Variants in UNC5C observed in about 807,000 individuals in gnomAD.
UNC5C encodes the protein unc-5 netrin receptor C.
Under a neutral mutation model 99.8 loss-of-function variants are expected in UNC5C, and 47 were observed. The ratio of observed to expected loss-of-function variants is 0.47; its 90% confidence interval spans 0.37 to 0.60. The LOEUF is 0.60. Ranked by LOEUF, UNC5C falls within the 20% of genes least tolerant of loss-of-function variation. UNC5C has a pLI of 0.00. For synonymous variants in UNC5C, 487 were observed against 452.2 expected (o/e 1.08, Z -0.98); for missense variants, 1,062 against 1,165.9 (o/e 0.91, Z 1.30).
At chr4:95,324,645 G>A (rs1742823451) in intron 2 of UNC5C, among the ~76,000 whole-genome samples, 2 of 152,084 alleles carry the variant, frequency 1.3e-5, no homozygotes, top group Admixed American at 1.3e-4. Flanking sequence ...AACTCCCTAG[G>A]TGATGGTATT....
Position 95,480,751 on chromosome 4 carries a change from A to C in UNC5C, c.124+67983T>G, listed in dbSNP as rs563510640. On this transcript the variant is annotated intron_variant, in intron 1 of 15. Transcript: ENST00000453304. Reference sequence around the variant, plus strand: ...TCCAGCATATAAACAAAACAAAAGAAAAAAACCACATGATTATCTCAATAG... The same window carrying C: ...TCCAGCATATAAACAAAACAAAAGACAAAAACCACATGATTATCTCAATAG... Among the ~76,000 whole-genome samples, 398 of 152,182 alleles carry C rather than the reference A, an allele frequency of 2.6e-3. 1 individual carries two copies. The highest frequency in any genetic ancestry group is 6.8e-3 in the Middle Eastern group (2 of 294).
intron 7 of UNC5C, among the ~76,000 whole-genome samples, chr4:95,224,778 CT>C (rs1385924842): frequency 1.3e-5 from 2 of 151,140 alleles, no homozygotes; most frequent in African/African-American, 2.4e-5. Flanking sequence ...TAAAAAAGTT[CT>C]TTTAAAAATA....
intron 1 of UNC5C, among the ~76,000 whole-genome samples, chr4:95,356,813 G>C (rs1441777947): frequency 4.6e-5 from 7 of 152,140 alleles, no homozygotes; most frequent in Admixed American, 4.6e-4. Flanking sequence ...ACATGAGTGA[G>C]TATTGCTTGA....
At chr4:95,530,510 T>C (rs1004108481) in intron 1 of UNC5C, among the ~76,000 whole-genome samples, 13 of 152,232 alleles carry the variant, frequency 8.5e-5, no homozygotes, top group Admixed American at 2.0e-4. Flanking sequence ...AAGGCAATTA[T>C]GTTTTGTTGG....
intron 14 of UNC5C, among the ~76,000 whole-genome samples, chr4:95,178,668 T>C (rs1206100655): frequency 6.6e-6 from 1 of 152,210 alleles, no homozygotes; most frequent in African/African-American, 2.4e-5. Context: ...TCCAACTAAA[T>C]GTGGAAGTTA....
At chr4:95,480,429 CA>C (rs1481817682) in intron 1 of UNC5C, among the ~76,000 whole-genome samples, 1 of 151,734 alleles carries the variant, frequency 6.6e-6, no homozygotes, top group Non-Finnish European at 1.5e-5. Flanking sequence ...CAGAAATGAG[CA>C]ATAAATGCTA....
chr4:95,533,982 T>C (rs184977860), intron 1 of UNC5C, among the ~76,000 whole-genome samples: 1 of 152,358 alleles, frequency 6.6e-6, no homozygotes, highest in African/African-American at 2.4e-5. Context: ...TAGTTGCTTC[T>C]GTTGGATTCT....
At chr4:95,443,844 C>T (rs1243833467) in intron 1 of UNC5C, among the ~76,000 whole-genome samples, 2 of 152,072 alleles carry the variant, frequency 1.3e-5, no homozygotes, top group Non-Finnish European at 2.9e-5. Context: ...TTGATCTACT[C>T]TCTCTTGAAT....
chr4:95,272,845 A>C (rs975964847), intron 4 of UNC5C, among the ~76,000 whole-genome samples: 1 of 152,188 alleles, frequency 6.6e-6, no homozygotes, highest in Admixed American at 6.5e-5. Context: ...AGTGTAAAGC[A>C]CCACTCTGGA....
chr4:95,532,108 A>G (rs1050633657), intron 1 of UNC5C, among the ~76,000 whole-genome samples: 6 of 152,160 alleles, frequency 3.9e-5, no homozygotes, highest in Admixed American at 2.0e-4. Flanking sequence ...TTACACATCA[A>G]TTGTCTGGGG....
At chr4:95,252,309 G>T (rs1460319421) in intron 4 of UNC5C, among the ~76,000 whole-genome samples, 1 of 152,182 alleles carries the variant, frequency 6.6e-6, no homozygotes, top group East Asian at 1.9e-4. Context: ...TCTAAAGAAA[G>T]CCTCCTATCA....
intron 4 of UNC5C, among the ~76,000 whole-genome samples, chr4:95,257,173 C>T (rs1740033275): frequency 6.6e-6 from 1 of 152,190 alleles, no homozygotes; most frequent in Non-Finnish European, 1.5e-5. Flanking sequence ...GGCTCCTTCT[C>T]TTACTCAGTG....
intron 1 of UNC5C, among the ~76,000 whole-genome samples, chr4:95,372,762 CAGGAG>C (rs372125161): frequency 5.3e-4 from 81 of 152,224 alleles, no homozygotes; most frequent in African/African-American, 1.9e-3. Flanking sequence ...TTTGTTAACA[CAGGAG>C]AGATTTTCTT....
At chr4:95,470,408 T>A (rs1279844740) in intron 1 of UNC5C, among the ~76,000 whole-genome samples, 1 of 152,120 alleles carries the variant, frequency 6.6e-6, no homozygotes, top group Non-Finnish European at 1.5e-5. Context: ...GTTGATCAGT[T>A]TACCTTGGGT....
chr4:95,320,437 AAG>A lies in UNC5C; in HGVS notation c.346+14971_346+14972del, dbSNP rs763523021. On this transcript the variant is annotated intron_variant, in intron 2 of 15. Transcript: ENST00000453304. Reference sequence around the variant, plus strand: ...AATTCCATCTCAAAAAAAAAAAAAAAAGAAAAGAAAAGAAAAGAAAGTAAAAG... The same window carrying A: ...AATTCCATCTCAAAAAAAAAAAAAAAAAAAGAAAAGAAAAGAAAGTAAAAG... Among the ~76,000 whole-genome samples, 224 of 141,756 alleles carry A rather than the reference AAG, an allele frequency of 1.6e-3. 4 individuals carry two copies. The highest frequency in any genetic ancestry group is 0.015 in the Middle Eastern group (4 of 270). 93.0% of individuals were successfully genotyped at this position (141,756 alleles called of 152,430 possible). A position where few individuals can be genotyped will look rare whatever the true frequency, so the allele number is the denominator to read the frequency against.
chr4:95,343,726 T>C (rs187307539), intron 1 of UNC5C, among the ~76,000 whole-genome samples: 2,866 of 152,094 alleles, frequency 0.019, 70 homozygotes, highest in African/African-American at 0.066. Flanking sequence ...TCAGATACAT[T>C]TAGCAGAGAA....
intron 1 of UNC5C, among the ~76,000 whole-genome samples, chr4:95,356,193 CAAA>C (rs59097041): frequency 1.7e-4 from 10 of 57,990 alleles, no homozygotes; most frequent in African/African-American, 4.0e-4. Context: ...GACCCTGTAG[CAAA>C]AAAAAAAAAA....
rs1415203064 is a variant in UNC5C at position 95,278,276 on chromosome 4, C to A, written c.577G>T (p.Gly193Trp). 1 of 1,613,908 alleles carries A rather than the reference C, an allele frequency of 6.2e-7. No individual in the cohort carries two copies. The highest frequency in any genetic ancestry group is 8.5e-7 in the Non-Finnish European group (1 of 1,179,958). The change falls in exon 4 of 16, where the codon GGG becomes TGG. Residue 193 changes from glycine to tryptophan, a missense_variant. Coordinates refer to ENST00000453304, the MANE Select transcript of UNC5C (RefSeq NM_003728.4). ...EVLLQCRPPEGIPVAEVEWLK... is the reference protein window; with the variant it reads ...EVLLQCRPPEWIPVAEVEWLK... ...TTATTCACCTCAGCCACTGGGATCCCTTCAGGTGGTCGACACTGGAGTAAG... is the reference window on the plus strand; with the variant it reads ...TTATTCACCTCAGCCACTGGGATCCATTCAGGTGGTCGACACTGGAGTAAG...
At chr4:95,201,465 C>CT (rs1156382837) in intron 12 of UNC5C, among the ~76,000 whole-genome samples, 1 of 152,104 alleles carries the variant, frequency 6.6e-6, no homozygotes, top group Non-Finnish European at 1.5e-5. Context: ...TCAATCATGT[C>CT]TTTTTTCTGT....
Sources: gnomAD v4.1 joint callset for allele counts (sites outside exome capture counted in the v4.1 genomes callset) on GRCh38, gnomAD v4.1.1 for gene constraint, MANE v1.5 for transcripts, NCBI Gene and HGNC (gene_info 2026-07-23, HGNC 2026-07-21) for gene names.